DDI2: variants seen among roughly 807,000 people sequenced by gnomAD.
The protein encoded by DDI2 is DDI proteasomal shuttling factor 2.
A neutral mutation model predicts 48.1 loss-of-function variants in DDI2; 5 were observed. The ratio of observed to expected loss-of-function variants is 0.10; its 90% CI spans 0.05 to 0.22. DDI2 has a LOEUF of 0.22. Ranked by LOEUF, DDI2 falls within the 10% of genes least tolerant of loss-of-function variation. DDI2 has a pLI of 1.00. For missense variants in DDI2, 285 were observed against 506.2 expected, an observed-to-expected ratio of 0.56 and a Z score of 4.19; for synonymous variants, 205 against 183.6, an observed-to-expected ratio of 1.12 and a Z score of -0.94.
chr1:15,632,552 A>G (rs1639861607), intron 3 of DDI2, among the ~76,000 whole-genome samples: 1 of 152,116 alleles, frequency 6.6e-6, no homozygotes, highest in African/African-American at 2.4e-5. Context: ...AGAAATTGCA[A>G]AATAGGTTCT....
chr1:15,657,661 C>T (rs996165589), intron 9 of DDI2, among the ~76,000 whole-genome samples: 11 of 152,194 alleles, frequency 7.2e-5, no homozygotes, highest in African/African-American at 2.7e-4. Context: ...TACCAGAAGG[C>T]CCTTACCATA....
intron 6 of DDI2, among the ~76,000 whole-genome samples, chr1:15,647,806 A>G (rs1353792917): frequency 1.3e-5 from 2 of 151,952 alleles, no homozygotes; most frequent in Admixed American, 1.3e-4. Context: ...TACTAAAACT[A>G]CAAAAAATTA....
chr1:15,622,209 T>TTTTTTC (rs1639676893), intron 1 of DDI2, among the ~76,000 whole-genome samples: 1 of 151,152 alleles, frequency 6.6e-6, no homozygotes, highest in Non-Finnish European at 1.5e-5. Context: ...TTTTTTTTTT[T>TTTTTTC]TTTTTTGAGA....
chr1:15,618,479 C>G (rs868367276), intron 1 of DDI2, among the ~76,000 whole-genome samples: 9 of 152,164 alleles, frequency 5.9e-5, no homozygotes, highest in African/African-American at 1.9e-4. Context: ...TCGGTTCTAC[C>G]CTGGTAGTAA....
chr1:15,650,225 G>T (rs1042645980), intron 7 of DDI2, among the ~76,000 whole-genome samples: 1 of 152,188 alleles, frequency 6.6e-6, no homozygotes, highest in East Asian at 1.9e-4. Flanking sequence ...GTTAAGGAAG[G>T]TATATGTTGG....
At position 15,662,016 on chromosome 1, in the gene DDI2, A is replaced by T. The variant is rs758975714; in HGVS notation, c.*2226A>T. 10 of 269,340 alleles carry T rather than the reference A, an allele frequency of 3.7e-5. No individual in the cohort carries two copies. Among genetic ancestry groups the T allele is most frequent in the Middle Eastern group, 2.3e-3 (2 of 852 alleles). The allele number at this position is 269,340 out of a possible 1,614,324, so 16.7% of individuals were successfully genotyped here. ...TAAGATGTATCCTGGAATAAAATGG[A>T]TGGTTTTGTGTGTAGCATACTGTTT... is the stretch of plus-strand genomic sequence containing the variant. On this transcript the variant is annotated 3_prime_UTR_variant, in exon 10 of 10. Transcript: ENST00000480945.
chr1:15,624,271 G>C (rs1639718683), intron 1 of DDI2, among the ~76,000 whole-genome samples: 1 of 152,128 alleles, frequency 6.6e-6, no homozygotes, highest in South Asian at 2.1e-4. Flanking sequence ...ACCTCAACCT[G>C]TGACGCTCAT....
At chr1:15,634,768 G>A (rs1195319120) in intron 4 of DDI2, among the ~76,000 whole-genome samples, 3 of 151,870 alleles carry the variant, frequency 2.0e-5, no homozygotes, top group Non-Finnish European at 2.9e-5. Context: ...CTGAGCTCAC[G>A]CAATCCACGC....
In DDI2 at chr1:15,625,686, T is replaced by C. The variant is rs568418658; in HGVS notation, c.139-983T>C. ...CCCAGGCTAGGGTGCAGTGGTGCGA[T>C]CTCAGCCCTGCAACCTTTGCCTCCC... On this transcript the variant is annotated intron_variant, in intron 1 of 9. Coordinates refer to ENST00000480945, the MANE Select transcript of DDI2 (RefSeq NM_032341.5). Among the ~76,000 whole-genome samples the C allele has an allele frequency of 9.2e-5, 14 of 152,298 alleles. 1 individual carries two copies. In the South Asian group the frequency reaches 2.9e-3, roughly 32 times the overall value.
chr1:15,621,101 A>C (rs1003908923), intron 1 of DDI2, among the ~76,000 whole-genome samples: 1 of 152,204 alleles, frequency 6.6e-6, no homozygotes, highest in Non-Finnish European at 1.5e-5. Flanking sequence ...AAAGCTGGGC[A>C]TGTTCTGTCT....
chr1:15,660,100 T>G lies in DDI2; in HGVS notation c.*310T>G. 1.2e-6 allele frequency: 2 copies of G among 1,614,142 alleles called. No individual in the cohort carries two copies. Among genetic ancestry groups the G allele is most frequent in the East Asian group, 2.2e-5 (1 of 44,888 alleles). The stretch of plus-strand genomic sequence containing the variant: ...AGAACATCTTTCTTTACAAGATCTT[T>G]CTGATCATGCTTCCTCAGCAGACCA... On this transcript the variant is annotated 3_prime_UTR_variant, in exon 10 of 10. Transcript: ENST00000480945.
At chr1:15,648,953 C>T (rs1640133550) in intron 6 of DDI2, among the ~76,000 whole-genome samples, 1 of 151,944 alleles carries the variant, frequency 6.6e-6, no homozygotes, top group Admixed American at 6.6e-5. Flanking sequence ...AGGTCATCTG[C>T]TGGGTGTGGT....
At position 15,664,164 on chromosome 1, in the gene DDI2, A is replaced by G. The variant is rs1335016765; in HGVS notation, c.*4374A>G. The G allele has an allele frequency of 1.3e-5, 2 of 152,190 alleles. No individual in the cohort carries two copies. The highest frequency in any genetic ancestry group is 2.4e-5 in the African/African-American group (1 of 41,432). The allele number at this position is 152,190 out of a possible 1,614,324, so 9.4% of individuals were successfully genotyped here. ...CATCCTTCTGAGTAGCTGGGACTAC[A>G]TAAAGGCCAAAGTATAATTGCTTTT... On this transcript the variant is annotated 3_prime_UTR_variant, in exon 10 of 10. Transcript: ENST00000480945.
At chr1:15,654,962 TCCA>T (rs1640249678) in intron 8 of DDI2, among the ~76,000 whole-genome samples, 2 of 149,642 alleles carry the variant, frequency 1.3e-5, no homozygotes, top group Admixed American at 1.3e-4. Context: ...CCTTTTAACC[TCCA>T]CAGTCTTGGT....
chr1:15,621,526 A>T (rs1056687740), intron 1 of DDI2, among the ~76,000 whole-genome samples: 1 of 152,096 alleles, frequency 6.6e-6, no homozygotes, highest in African/African-American at 2.4e-5. Context: ...CTGGGACTAC[A>T]GGTGTATGCT....
In DDI2 at chr1:15,659,773, G is replaced by A. The variant is rs1640331699; in HGVS notation, c.*47-64G>A. 7 of 1,453,680 alleles carry A rather than the reference G, an allele frequency of 4.8e-6. No individual in the cohort carries two copies. The South Asian group carries it at 7.5e-5, about 16-fold the overall frequency. The allele number at this position is 1,453,680 out of a possible 1,614,324, so 90.0% of individuals were successfully genotyped here. On this transcript the variant is annotated intron_variant, in intron 9 of 9. Coordinates refer to ENST00000480945, the MANE Select transcript of DDI2 (RefSeq NM_032341.5). Reference sequence around the variant, plus strand: ...TACGCTGTTTAGATTTGTATCCTCTGGTAATTTAGTGGCATTAGTCACCTG... The same window carrying A: ...TACGCTGTTTAGATTTGTATCCTCTAGTAATTTAGTGGCATTAGTCACCTG...
At chr1:15,652,086 G>C (rs1407354105) in intron 8 of DDI2, among the ~76,000 whole-genome samples, 191 bp downstream of exon 8, 9 of 97,004 alleles carry the variant, frequency 9.3e-5, no homozygotes, top group Non-Finnish European at 1.8e-5. Context: ...TTTTTTTGGA[G>C]ACATTGTCTC....
rs538839374 is a variant in DDI2 at position 15,635,775 on chromosome 1, C to G, written c.632+2210C>G. On this transcript the variant is annotated intron_variant, in intron 4 of 9. Transcript: ENST00000480945. ...TCTCTACATATGGACCCCAGAAAAG[C>G]CAAAGTAGCTGGTGTTATTGCAGAG... 2.2e-4 allele frequency among the ~76,000 whole-genome samples: 34 copies of G among 152,242 alleles called. No individual in the cohort carries two copies. In the South Asian group the frequency reaches 7.1e-3, roughly 32 times the overall value.
rs778840230 is a variant in DDI2, at chr1:15,660,380, C to T, written c.*590C>T. On this transcript the variant is annotated 3_prime_UTR_variant, in exon 10 of 10. Coordinates refer to ENST00000480945, the MANE Select transcript of DDI2 (RefSeq NM_032341.5). ...AGTGACCCTCAGCAGCACGAAGAACCAGGGAATGAACAGTATGAGGTTGCA... is the reference window on the plus strand; with the variant it reads ...AGTGACCCTCAGCAGCACGAAGAACTAGGGAATGAACAGTATGAGGTTGCA... 1.1e-5 allele frequency: 18 copies of T among 1,613,792 alleles called. No homozygotes were observed. In the Admixed American group the frequency reaches 2.7e-4, roughly 24 times the overall value.
Sources: gnomAD v4.1 joint callset for allele counts (sites outside exome capture counted in the v4.1 genomes callset) on GRCh38, gnomAD v4.1.1 for gene constraint, MANE v1.5 for transcripts, NCBI Gene and HGNC (gene_info 2026-07-23, HGNC 2026-07-21) for gene names.